Variants in ROM1 observed in about 807,000 individuals in gnomAD.
ROM1 encodes rod outer segment membrane protein 1.
ROM1 carries 17 observed loss-of-function variants against 23.0 expected under a neutral mutation model. The ratio of observed to expected loss-of-function variants is 0.74; its 90% CI spans 0.51 to 1.11. The LOEUF (loss-of-function observed/expected upper bound fraction) is 1.11. ROM1 is among the 50% of genes least tolerant of loss of function. ROM1 has a pLI of 0.00. For synonymous variants in ROM1, 200 were observed against 206.5 expected, an observed-to-expected ratio of 0.97 and a Z score of 0.27; for missense variants, 436 against 439.7, an observed-to-expected ratio of 0.99 and a Z score of 0.08.
In ROM1 at chr11:62,615,080, G is replaced by C; in HGVS notation, c.*241G>C. ...AGTGACATGAGAAGGCCTGGAGGCT[G>C]ATTCTGATATAGACTCAATAAAGTT... On this transcript the variant is annotated 3_prime_UTR_variant, in exon 3 of 3. Coordinates refer to ENST00000278833, the MANE Select transcript of ROM1 (RefSeq NM_000327.4). 3.6e-6 allele frequency: 2 copies of C among 563,222 alleles called. No individual in the cohort carries two copies. Among genetic ancestry groups the C allele is most frequent in the Non-Finnish European group, 6.4e-6 (2 of 314,820 alleles). The allele number at this position is 563,222 out of a possible 1,614,324, so 34.9% of individuals were successfully genotyped here. A position where few individuals can be genotyped will look rare whatever the true frequency, so the allele number is the denominator to read the frequency against.
At position 62,614,911 on chromosome 11, in the gene ROM1, C is replaced by T. The variant is rs531890375; in HGVS notation, c.*72C>T. On this transcript the variant is annotated 3_prime_UTR_variant, in exon 3 of 3. Transcript: ENST00000278833. Reference sequence around the variant, plus strand: ...AAAACCTCACAACTCCTTACCAAGGCTCCAGGTTGGGGGGATCGTAGGATT... The same window carrying T: ...AAAACCTCACAACTCCTTACCAAGGTTCCAGGTTGGGGGGATCGTAGGATT... 2 of 1,308,788 alleles carry T rather than the reference C, an allele frequency of 1.5e-6. No homozygotes were observed. Among genetic ancestry groups the T allele is most frequent in the African/African-American group, 2.9e-5 (2 of 68,960 alleles). The allele number at this position is 1,308,788 out of a possible 1,614,324, so 81.1% of individuals were successfully genotyped here.
In ROM1 at chr11:62,614,464, G is replaced by A. The variant is rs372328948; in HGVS notation, c.797G>A (p.Gly266Asp). The change falls in exon 2 of 3, where the codon GGC becomes GAC. Residue 266 changes from glycine to aspartate, a missense_variant. Coordinates refer to ENST00000278833, the MANE Select transcript of ROM1 (RefSeq NM_000327.4). ...CTGGAGCACTTGCAGGACTTGGCAG[G>A]CACACTGGGTAGCATGCTGGCTGTC... ...VLLEHLQDLA[G>D]TLGSMLAVTF... 46 of 1,614,050 alleles carry A rather than the reference G, an allele frequency of 2.8e-5. 1 individual carries two copies. The highest frequency in any genetic ancestry group is 4.0e-5 in the African/African-American group (3 of 74,908).
rs776746931 is a variant in ROM1 at position 62,613,526 on chromosome 11, G to C, written c.245G>C (p.Gly82Ala). The change falls in exon 1 of 3, where the codon GGA (glycine) becomes GCA (alanine). Residue 82 changes from glycine (G) to alanine (A), a missense_variant. By Grantham distance (60) the Gly-to-Ala change is moderately conservative (BLOSUM62 0). Coordinates refer to ENST00000278833, the MANE Select transcript of ROM1 (RefSeq NM_000327.4). ...CTGGGCACAGGACTAGTGGGTGTAG[G>C]AGCCAGCCGGGCAAGTCTGAATGCA... ...VALGTGLVGV[G>A]ASRASLNAAL... The C allele has an allele frequency of 1.2e-6, 2 of 1,613,872 alleles. No individual in the cohort carries two copies. Among genetic ancestry groups the C allele is most frequent in the Non-Finnish European group, 1.7e-6 (2 of 1,179,866 alleles).
chr11:62,614,286 T>C lies in ROM1; in HGVS notation c.619T>C (p.Tyr207His), dbSNP rs561421084. 1.1e-5 allele frequency: 18 copies of C among 1,614,114 alleles called. No homozygotes were observed. The South Asian group carries it at 1.9e-4, about 17-fold the overall frequency. Residue 207 changes from tyrosine to histidine, a missense_variant, in exon 2 of 3, where the codon TAC becomes CAC. Transcript: ENST00000278833. ...DRIQSNVEGL[Y>H]LTDGVPFSCC... ...GATCCAGAGCAATGTAGAAGGCCTA[T>C]ACCTGACTGATGGGGTCCCTTTCTC...
Position 62,614,754 on chromosome 11 carries a change from T to G in ROM1, c.971T>G (p.Leu324Arg). 3 of 1,614,130 alleles carry G rather than the reference T, an allele frequency of 1.9e-6. No homozygotes were observed. The highest frequency in any genetic ancestry group is 2.5e-6 in the Non-Finnish European group (3 of 1,180,006). ...GLKDMLKTAW[L>R]QGGVACRPAP... Reference sequence around the variant, plus strand: ...AAAGATATGCTGAAAACAGCATGGCTACAGGGAGGGGTTGCCTGCAGGCCA... The same window carrying G: ...AAAGATATGCTGAAAACAGCATGGCGACAGGGAGGGGTTGCCTGCAGGCCA... The change falls in exon 3 of 3, where the codon CTA becomes CGA. Residue 324 changes from leucine to arginine, a missense_variant. Physicochemically the swap from Leu to Arg is moderately radical, Grantham distance 102 (BLOSUM62 -2). Transcript: ENST00000278833.
rs767143462 is a variant in ROM1 at position 62,613,471 on chromosome 11, C to T, written c.190C>T (p.Gln64Ter). The change falls in exon 1 of 3, where the codon CAG (glutamine) becomes TAG (stop). Residue 64 changes from glutamine (Q) to a stop codon, truncating the protein, a stop_gained. Transcript: ENST00000278833. LOFTEE classifies it high-confidence loss of function. ...CTCCTGTCAGTTCCCTGTCCTGCCCCAGGCTGCCCTGGCAGCGGGCGCGGT... is the reference window on the plus strand; with the variant it reads ...CTCCTGTCAGTTCCCTGTCCTGCCCTAGGCTGCCCTGGCAGCGGGCGCGGT... Reference protein sequence around the residue: ...APSCQFPVLPQAALAAGAVAL... With the variant: ...APSCQFPVLP 6.2e-7 allele frequency: 1 copy of T among 1,613,428 alleles called. No homozygotes were observed.
rs149255362 is a variant in ROM1 at position 62,614,370 on chromosome 11, G to A, written c.703G>A (p.Ala235Thr). 146 of 1,613,832 alleles carry A rather than the reference G, an allele frequency of 9.0e-5. 1 individual carries two copies. In the African/African-American group the frequency reaches 1.5e-3, roughly 16 times the overall value. The change falls in exon 2 of 3, where the codon GCC becomes ACC. Residue 235 changes from alanine (A) to threonine (T), a missense_variant. By Grantham distance (58) the Ala-to-Thr change is moderately conservative. Transcript: ENST00000278833. Reference protein sequence around the residue: ...CLQNRLSDSYAHPLFDPRQPN... With the variant: ...CLQNRLSDSYTHPLFDPRQPN... ...GCAAAACCGTCTTTCAGACTCCTACGCCCACCCCCTGTTCGATCCCCGACA... is the reference window on the plus strand; with the variant it reads ...GCAAAACCGTCTTTCAGACTCCTACACCCACCCCCTGTTCGATCCCCGACA...
chr11:62,614,553 T>G, intron 2 of ROM1, 49 bp downstream of exon 2: 3 of 1,614,078 alleles, frequency 1.9e-6, no homozygotes, highest in Non-Finnish European at 2.5e-6. Flanking sequence ...GACTCCTCCC[T>G]GCCTCCAACC....
Position 62,614,894 on chromosome 11 carries a change from A to G in ROM1, c.*55A>G. ...AGGGATGGACAAGTCTGAAAACCTC[A>G]CAACTCCTTACCAAGGCTCCAGGTT... is the stretch of plus-strand genomic sequence containing the variant. On this transcript the variant is annotated 3_prime_UTR_variant, in exon 3 of 3. Transcript: ENST00000278833. 1 of 1,418,022 alleles carries G rather than the reference A, an allele frequency of 7.1e-7. No homozygotes were observed. The highest frequency in any genetic ancestry group is 1.2e-5 in the South Asian group (1 of 86,268). 87.8% of individuals were successfully genotyped at this position (1,418,022 alleles called of 1,614,324 possible).
chr11:62,614,822 GATCT>G lies in ROM1; in HGVS notation c.1044_1047del (p.Ser349ArgfsTer48). 1.2e-6 allele frequency: 2 copies of G among 1,613,986 alleles called. No homozygotes were observed. Among genetic ancestry groups the G allele is most frequent in the East Asian group, 2.2e-5 (1 of 44,880 alleles). Reference sequence around the variant, plus strand: ...ACCAGGAGAAGCACCTCCCAAGGAGGATCTATCTGAGGCCTAGAGGCCTGGAGCT... The same window carrying G: ...ACCAGGAGAAGCACCTCCCAAGGAGGATCTGAGGCCTAGAGGCCTGGAGCT... On this transcript the variant is annotated frameshift_variant, in exon 3 of 3. Coordinates refer to ENST00000278833, the MANE Select transcript of ROM1 (RefSeq NM_000327.4). LOFTEE classifies it high-confidence loss of function.
chr11:62,614,593 T>A (rs200949420), intron 2 of ROM1, 28 bp from the exon 3 acceptor site: 25 of 1,614,054 alleles, frequency 1.5e-5, no homozygotes, highest in Non-Finnish European at 2.0e-5. Context: ...TGACTCTCCC[T>A]GACTCTTTCC....
At position 62,613,874 on chromosome 11, in the gene ROM1, G is replaced by C; in HGVS notation, c.590+3G>C. The C allele has an allele frequency of 6.2e-7, 1 of 1,613,706 alleles. No homozygotes were observed. Among genetic ancestry groups the C allele is most frequent in the Non-Finnish European group, 8.5e-7 (1 of 1,179,864 alleles). ...CCCGGTGACCGGGATGTGGCTGAGT[G>C]AGTGATTTGCGTCTCCCTTCCTCCT... On this transcript the variant is annotated splice_donor_region_variant and intron_variant, in intron 1 of 2. Coordinates refer to ENST00000278833, the MANE Select transcript of ROM1 (RefSeq NM_000327.4).
chr11:62,613,767 G>A lies in ROM1; in HGVS notation c.486G>A (p.Leu162=). ...HCQAKRLVDE[L]QLRYHCCGRH... is the part of the protein sequence containing the mutation. ...AGGCCAAAAGGCTGGTGGATGAGCTGCAACTGAGGTACCACTGCTGCGGGC... is the reference window on the plus strand; with the variant it reads ...AGGCCAAAAGGCTGGTGGATGAGCTACAACTGAGGTACCACTGCTGCGGGC... Residue 162 remains leucine, a synonymous_variant, in exon 1 of 3, where the codon CTG becomes CTA. Transcript: ENST00000278833. 1 of 1,614,238 alleles carries A rather than the reference G, an allele frequency of 6.2e-7. No homozygotes were observed. The highest frequency in any genetic ancestry group is 1.7e-5 in the Admixed American group (1 of 60,036).
rs1035318941 is a variant in ROM1 at position 62,614,980 on chromosome 11, GA to G, written c.*145del. The G allele has an allele frequency of 2.0e-5, 14 of 693,386 alleles. No individual in the cohort carries two copies. Among genetic ancestry groups the G allele is most frequent in the Non-Finnish European group, 3.4e-5 (14 of 407,234 alleles). 43.0% of individuals were successfully genotyped at this position (693,386 alleles called of 1,614,324 possible). A position where few individuals can be genotyped will look rare whatever the true frequency, so the allele number is the denominator to read the frequency against. On this transcript the variant is annotated 3_prime_UTR_variant, in exon 3 of 3. Coordinates refer to ENST00000278833, the MANE Select transcript of ROM1 (RefSeq NM_000327.4). The stretch of plus-strand genomic sequence containing the variant: ...CAGCGAGCTGGACTGGGGTAAGAAA[GA>G]AAACCAGATGTCCTAGGGCCTAGCC...
In ROM1 at chr11:62,614,619, A is replaced by C; in HGVS notation, c.838-2A>C. The C allele has an allele frequency of 1.2e-6, 2 of 1,614,188 alleles. No individual in the cohort carries two copies. Among genetic ancestry groups the C allele is most frequent in the Non-Finnish European group, 1.7e-6 (2 of 1,180,022 alleles). On this transcript the variant is annotated splice_acceptor_variant, in intron 2 of 2. Coordinates refer to ENST00000278833, the MANE Select transcript of ROM1 (RefSeq NM_000327.4). LOFTEE classifies it high-confidence loss of function. ...GACTCTTTCCCCTTGCTTCCCCCACAGGCTCTGGTGCTCCTTGGCCTGCGG... is the reference window on the plus strand; with the variant it reads ...GACTCTTTCCCCTTGCTTCCCCCACCGGCTCTGGTGCTCCTTGGCCTGCGG...
chr11:62,614,914 C>T lies in ROM1; in HGVS notation c.*75C>T. On this transcript the variant is annotated 3_prime_UTR_variant, in exon 3 of 3. Transcript: ENST00000278833. ...ACCTCACAACTCCTTACCAAGGCTC[C>T]AGGTTGGGGGGATCGTAGGATTAGA... 5 of 1,274,740 alleles carry T rather than the reference C, an allele frequency of 3.9e-6. No individual in the cohort carries two copies. The highest frequency in any genetic ancestry group is 5.6e-6 in the Non-Finnish European group (5 of 886,968). The allele number at this position is 1,274,740 out of a possible 1,614,324, so 79.0% of individuals were successfully genotyped here.
In ROM1 at chr11:62,613,787, G is replaced by A. The variant is rs747465372; in HGVS notation, c.506G>A (p.Cys169Tyr). The A allele has an allele frequency of 4.5e-5, 73 of 1,614,092 alleles. No individual in the cohort carries two copies. The highest frequency in any genetic ancestry group is 5.9e-5 in the Non-Finnish European group (70 of 1,180,040). Reference protein sequence around the residue: ...VDELQLRYHCCGRHGYKDWFG... With the variant: ...VDELQLRYHCYGRHGYKDWFG... Reference sequence around the variant, plus strand: ...GAGCTGCAACTGAGGTACCACTGCTGCGGGCGCCACGGGTACAAGGATTGG... The same window carrying A: ...GAGCTGCAACTGAGGTACCACTGCTACGGGCGCCACGGGTACAAGGATTGG... The change falls in exon 1 of 3, where the codon TGC becomes TAC. Residue 169 changes from cysteine (C) to tyrosine (Y), a missense_variant. Physicochemically the swap from Cys to Tyr is radical, Grantham distance 194. Transcript: ENST00000278833.
intron 1 of ROM1, 52 bp from the exon 2 acceptor site, chr11:62,614,206 C>A: frequency 8.1e-6 from 13 of 1,609,558 alleles, no homozygotes; most frequent in Non-Finnish European, 1.1e-5. Context: ...TCAGTCCCTC[C>A]CCCAGGCCTC....
chr11:62,614,242 GTCCC>G lies in ROM1; in HGVS notation c.591-10_591-7del. 6.2e-7 allele frequency: 1 copy of G among 1,613,846 alleles called. No homozygotes were observed. The highest frequency in any genetic ancestry group is 8.5e-7 in the Non-Finnish European group (1 of 1,179,940). ...TATCTCCAGACATCCTAACCCCTCT[GTCCC>G]TCCCTTTGCAGCCGGATCCAGAGCA... is the stretch of plus-strand genomic sequence containing the variant. On this transcript the variant is annotated splice_polypyrimidine_tract_variant and intron_variant, in intron 1 of 2. Transcript: ENST00000278833.
Sources: gnomAD v4.1 joint callset for allele counts on GRCh38, gnomAD v4.1.1 for gene constraint, MANE v1.5 for transcripts, NCBI Gene and HGNC (gene_info 2026-07-23, HGNC 2026-07-21) for gene names.